Variants in NDUFV1 observed in about 807,000 individuals in gnomAD.
The protein encoded by NDUFV1 is NADH:ubiquinone oxidoreductase core subunit V1, also known as NADH dehydrogenase [ubiquinone] flavoprotein 1, mitochondrial.
Under a neutral mutation model 48.7 loss-of-function variants are expected in NDUFV1, and 41 were observed. The observed-to-expected ratio is 0.84, with a 90% confidence interval of 0.66 to 1.09. The LOEUF is 1.09. Ranked by LOEUF, NDUFV1 falls within the 50% of genes least tolerant of loss-of-function variation. The pLI, the probability that NDUFV1 is intolerant of heterozygous loss-of-function variation, is 0.00. For synonymous variants in NDUFV1, 231 were observed against 259.1 expected, an observed-to-expected ratio of 0.89 and a Z score of 1.04; for missense variants, 580 against 645.4, an observed-to-expected ratio of 0.90 and a Z score of 1.10.
Position 67,611,027 on chromosome 11 carries a change from G to A in NDUFV1, c.733G>A (p.Val245Met), listed in dbSNP as rs200829846. The change falls in exon 6 of 10, where the codon GTG (valine) becomes ATG (methionine). Residue 245 changes from valine (V) to methionine (M), a missense_variant. Physicochemically the swap from Val to Met is conservative, Grantham distance 21. Coordinates refer to ENST00000322776, the MANE Select transcript of NDUFV1 (RefSeq NM_007103.4). The surrounding 1 kb of genome is among the most constrained non-coding windows in gnomAD (Gnocchi z 4.2). ...VFGCPTTVAN[V>M]ETVAVSPTIC... ...TGGCTGCCCCACAACTGTGGCCAAC[G>A]TGGAGACAGTGGCAGTGTCCCCCAC... The A allele has an allele frequency of 1.5e-5, 25 of 1,614,222 alleles. No individual in the cohort carries two copies. Among genetic ancestry groups the A allele is most frequent in the Non-Finnish European group, 1.9e-5 (22 of 1,180,048 alleles).
In NDUFV1 at chr11:67,611,621, C is replaced by T. The variant is rs760159708; in HGVS notation, c.1080+52C>T. On this transcript the variant is annotated intron_variant, in intron 7 of 9. Transcript: ENST00000322776. This position sits in a 1 kb window ranked among gnomAD's most constrained non-coding sequence, Gnocchi z 4.2. ...CCCTGCCCTCCTGGTTGCTGTCTCCCTCCCTGGGCCTCCCAGAAAACCCTC... is the reference window on the plus strand; with the variant it reads ...CCCTGCCCTCCTGGTTGCTGTCTCCTTCCCTGGGCCTCCCAGAAAACCCTC... 15 of 1,571,276 alleles carry T rather than the reference C, an allele frequency of 9.5e-6. No individual in the cohort carries two copies. In the South Asian group the frequency reaches 1.7e-4, roughly 18 times the overall value.
intron 3 of NDUFV1, among the ~76,000 whole-genome samples, 192 bp downstream of exon 3, chr11:67,608,914 A>G (rs1006233709): frequency 6.6e-6 from 1 of 152,176 alleles, no homozygotes; most frequent in Non-Finnish European, 1.5e-5. Flanking sequence ...GAATCAACAC[A>G]TGATTTTGAC....
chr11:67,611,579 C>T lies in NDUFV1; in HGVS notation c.1080+10C>T, dbSNP rs769841594. ...CGTCATGGACCGCTCGGTAAGGGTTCACACACCAGCCCTGGTCCCTGCCCT... is the reference window on the plus strand; with the variant it reads ...CGTCATGGACCGCTCGGTAAGGGTTTACACACCAGCCCTGGTCCCTGCCCT... On this transcript the variant is annotated intron_variant, in intron 7 of 9. Transcript: ENST00000322776. This position sits in a 1 kb window ranked among gnomAD's most constrained non-coding sequence, Gnocchi z 4.2. The T allele has an allele frequency of 1.5e-5, 24 of 1,596,958 alleles. No homozygotes were observed. The highest frequency in any genetic ancestry group is 1.9e-5 in the Non-Finnish European group (22 of 1,171,746).
intron 4 of NDUFV1, 134 bp downstream of exon 4, chr11:67,609,769 T>C: frequency 9.9e-7 from 1 of 1,010,830 alleles, no homozygotes; most frequent in Non-Finnish European, 1.5e-6. Context: ...TGGCCAGTCC[T>C]GCATGCATCC....
Position 67,611,110 on chromosome 11 carries a change from C to G in NDUFV1, c.816C>G (p.Gly272=). 2 of 1,614,240 alleles carry G rather than the reference C, an allele frequency of 1.2e-6. No homozygotes were observed. The highest frequency in any genetic ancestry group is 1.7e-6 in the Non-Finnish European group (2 of 1,180,044). ...GCTTTGGCAGAGAACGCAACTCAGG[C>G]ACCAAACTATTCAACATCTCTGGCC... ...FAGFGRERNS[G]TKLFNISGHV... The change falls in exon 6 of 10, where the codon GGC becomes GGG. Residue 272 remains glycine (G), a synonymous_variant. Transcript: ENST00000322776. This position sits in a 1 kb window ranked among gnomAD's most constrained non-coding sequence, Gnocchi z 4.2.
Position 67,612,272 on chromosome 11 carries a change from A to G in NDUFV1, c.1308+7A>G. The G allele has an allele frequency of 1.3e-5, 21 of 1,613,776 alleles. No individual in the cohort carries two copies. Among genetic ancestry groups the G allele is most frequent in the Non-Finnish European group, 1.8e-5 (21 of 1,179,886 alleles). ...GGCCGCCTGGCCTGTGCAGGTATTC[A>G]CCACCCTTCTGCGTAGCACGGAGGG... On this transcript the variant is annotated splice_region_variant and intron_variant, in intron 9 of 9. Transcript: ENST00000322776. The surrounding 1 kb of genome is among the most constrained non-coding windows in gnomAD (Gnocchi z 4.4).
chr11:67,608,249 G>T, intron 1 of NDUFV1, 147 bp from the exon 2 acceptor site: 1 of 749,728 alleles, frequency 1.3e-6, no homozygotes, highest in Non-Finnish European at 2.4e-6. Flanking sequence ...TGCTTACTAA[G>T]TGGCAGTGGT....
chr11:67,609,677 G>A (rs773573125), intron 4 of NDUFV1, 42 bp downstream of exon 4: 1 of 1,589,696 alleles, frequency 6.3e-7, no homozygotes, highest in Non-Finnish European at 8.5e-7. Flanking sequence ...GGTGTTCAGT[G>A]TGCACTCACA....
Position 67,612,014 on chromosome 11 carries a change from G to T in NDUFV1, c.1162+36G>T, listed in dbSNP as rs1018623140. The T allele has an allele frequency of 6.2e-7, 1 of 1,613,454 alleles. No homozygotes were observed. ...GGCAGGTTGGGGGCTTGCTTGCTGT[G>T]GCTTCATTTAACCTCCTCCCCACCA... On this transcript the variant is annotated intron_variant, in intron 8 of 9. Transcript: ENST00000322776. This position sits in a 1 kb window ranked among gnomAD's most constrained non-coding sequence, Gnocchi z 4.4.
In NDUFV1 at chr11:67,611,194, T is replaced by A. The variant is rs1371788537; in HGVS notation, c.900T>A (p.Ile300=). The stretch of plus-strand genomic sequence containing the variant: ...TGTCTGTGCCCTTGAAAGAACTGAT[T>A]GAGAAGCATGCTGGTAAGGCCTGGG... ...EEMSVPLKEL[I]EKHAGGVTGG... is the part of the protein sequence containing the mutation. Residue 300 remains isoleucine, a synonymous_variant, in exon 6 of 10, where the codon ATT becomes ATA. Transcript: ENST00000322776. This position sits in a 1 kb window ranked among gnomAD's most constrained non-coding sequence, Gnocchi z 4.2. 6.2e-7 allele frequency: 1 copy of A among 1,612,914 alleles called. No individual in the cohort carries two copies. The highest frequency in any genetic ancestry group is 2.2e-5 in the East Asian group (1 of 44,808).
intron 5 of NDUFV1, 98 bp from the exon 6 acceptor site, chr11:67,610,897 G>A (rs2509729): frequency 8.6e-7 from 1 of 1,167,606 alleles, no homozygotes; most frequent in Non-Finnish European, 1.3e-6. Context: ...TTAGAGCAGG[G>A]GCTCTGCCAT....
At position 67,611,880 on chromosome 11, in the gene NDUFV1, T is replaced by C. The variant is rs369314326; in HGVS notation, c.1081-17T>C. The C allele has an allele frequency of 3.1e-6, 5 of 1,613,760 alleles. No individual in the cohort carries two copies. Among genetic ancestry groups the C allele is most frequent in the Non-Finnish European group, 4.2e-6 (5 of 1,179,876 alleles). On this transcript the variant is annotated splice_polypyrimidine_tract_variant and intron_variant, in intron 7 of 9. Coordinates refer to ENST00000322776, the MANE Select transcript of NDUFV1 (RefSeq NM_007103.4). This position sits in a 1 kb window ranked among gnomAD's most constrained non-coding sequence, Gnocchi z 4.2. Reference sequence around the variant, plus strand: ...TGTCTGGCCGTGGGTGCCTGCTAATTGCCCCTCGTCACCCAGACGGACATC... The same window carrying C: ...TGTCTGGCCGTGGGTGCCTGCTAATCGCCCCTCGTCACCCAGACGGACATC...
chr11:67,608,030 C>T (rs1022930308), intron 1 of NDUFV1, among the ~76,000 whole-genome samples: 1 of 152,044 alleles, frequency 6.6e-6, no homozygotes, highest in African/African-American at 2.4e-5. Context: ...AGTTCGAGAC[C>T]AGCCTGGCCA....
chr11:67,608,225 CAAA>C (rs11413867), intron 1 of NDUFV1, 168 bp from the exon 2 acceptor site: 1 of 576,756 alleles, frequency 1.7e-6, no homozygotes, highest in Non-Finnish European at 3.1e-6. Flanking sequence ...GAGTCTGTCT[CAAA>C]AAAAAAAAAA....
At chr11:67,610,244 A>C in intron 4 of NDUFV1, 137 bp from the exon 5 acceptor site, 5 of 953,798 alleles carry the variant, frequency 5.2e-6, no homozygotes, top group South Asian at 1.4e-5. Context: ...TCGTTTTACT[A>C]AGCTAGCAAA....
chr11:67,608,298 GC>G, intron 1 of NDUFV1, 97 bp from the exon 2 acceptor site: 1 of 1,142,134 alleles, frequency 8.8e-7, no homozygotes, highest in Non-Finnish European at 1.3e-6. Flanking sequence ...CCCTAGCCCA[GC>G]CCCTCCTAAA....
At chr11:67,607,425 G>C in intron 1 of NDUFV1, 1 of 515,606 alleles carries the variant, frequency 1.9e-6, no homozygotes, top group South Asian at 1.5e-5. Flanking sequence ...CTGATTTCCC[G>C]TCCACTGCTC....
rs1243840831 is a variant in NDUFV1 at position 67,612,496 on chromosome 11, T to C, written c.*38T>C. The C allele has an allele frequency of 2.3e-5, 37 of 1,592,386 alleles. No individual in the cohort carries two copies. Among genetic ancestry groups the C allele is most frequent in the Non-Finnish European group, 3.1e-5 (36 of 1,168,338 alleles). ...GCCTGCTGTCCTGCGTCTATCCATG[T>C]GGAATGCTGGACAATAAAGCGAGTG... is the stretch of plus-strand genomic sequence containing the variant. On this transcript the variant is annotated 3_prime_UTR_variant, in exon 10 of 10. Transcript: ENST00000322776. This position sits in a 1 kb window ranked among gnomAD's most constrained non-coding sequence, Gnocchi z 4.4.
At position 67,609,616 on chromosome 11, in the gene NDUFV1, A is replaced by G. The variant is rs1024767789; in HGVS notation, c.491A>G (p.Asn164Ser). Residue 164 changes from asparagine (N) to serine (S), a missense_variant, in exon 4 of 10, where the codon AAT becomes AGT. Transcript: ENST00000322776. ...ATCTACATCCGAGGGGAATTCTACA[A>G]TGAGGCCTCCAATCTGCAGGTGGGT... ...AYIYIRGEFY[N>S]EASNLQVAIR... 15 of 1,606,026 alleles carry G rather than the reference A, an allele frequency of 9.3e-6. No individual in the cohort carries two copies. Among genetic ancestry groups the G allele is most frequent in the Middle Eastern group, 1.6e-4 (1 of 6,084 alleles).
Sources: gnomAD v4.1 joint callset for allele counts (sites outside exome capture counted in the v4.1 genomes callset) on GRCh38, gnomAD v4.1.1 for gene constraint, Gnocchi (gnomAD v3.1) non-coding constraint, MANE v1.5 for transcripts, NCBI Gene and HGNC (gene_info 2026-07-23, HGNC 2026-07-21) for gene names.